The following ASH1L variants were observed in gnomAD, a reference collection of about 807,000 sequenced individuals.
ASH1L encodes the protein ASH1 like histone lysine methyltransferase, also known as histone-lysine N-methyltransferase ASH1L.
Under a neutral mutation model 269.0 loss-of-function variants are expected in ASH1L, and 23 were observed. The ratio of observed to expected loss-of-function variants is 0.09; its 90% CI spans 0.06 to 0.12. The LOEUF is 0.12. Among genes scored for constraint, ASH1L ranks in the 10% least tolerant of loss-of-function variants. The pLI, the probability that ASH1L is intolerant of heterozygous loss-of-function variation, is 1.00. For synonymous variants in ASH1L, 1,187 were observed against 1,253.5 expected, an observed-to-expected ratio of 0.95 and a Z score of 1.12; for missense variants, 2,912 against 3,567.8, an observed-to-expected ratio of 0.82 and a Z score of 4.68.
chr1:155,462,972 A>C (rs981923715), intron 3 of ASH1L, among the ~76,000 whole-genome samples: 1 of 152,198 alleles, frequency 6.6e-6, no homozygotes. Context: ...CAAGTTTAAG[A>C]CTGGAAAGTG....
Position 155,370,259 on chromosome 1 carries a change from G to A in ASH1L, c.6686+245C>T, listed in dbSNP as rs962930093. ...ACATAGATCCTGAAACTACTTGCAT[G>A]CCAAACAAAAAAACCAAAAAAGCAA... On this transcript the variant is annotated intron_variant, in intron 12 of 27. Coordinates refer to ENST00000392403, the MANE Select transcript of ASH1L (RefSeq NM_018489.3). 31 of 514,094 alleles carry A rather than the reference G, an allele frequency of 6.0e-5. 1 individual carries two copies. Among genetic ancestry groups the A allele is most frequent in the Middle Eastern group, 1.0e-3 (2 of 1,930 alleles). 31.8% of individuals were successfully genotyped at this position (514,094 alleles called of 1,614,324 possible).
chr1:155,407,345 T>C (rs529656981), intron 6 of ASH1L, among the ~76,000 whole-genome samples: 1 of 152,188 alleles, frequency 6.6e-6, no homozygotes, highest in African/African-American at 2.4e-5. Context: ...TACAAAAGGA[T>C]ACAATTCCCA....
chr1:155,514,897 C>T (rs1668395983), intron 2 of ASH1L, among the ~76,000 whole-genome samples: 1 of 152,006 alleles, frequency 6.6e-6, no homozygotes, highest in Non-Finnish European at 1.5e-5. Context: ...TTTTACACAC[C>T]AACAAGGAAA....
At chr1:155,447,701 T>A (rs940275668) in intron 4 of ASH1L, among the ~76,000 whole-genome samples, 21 of 152,376 alleles carry the variant, frequency 1.4e-4, no homozygotes, top group African/African-American at 4.8e-4. Flanking sequence ...GTCCATTTTT[T>A]AAACAGATTA....
At chr1:155,518,851 A>C (rs1571045392) in intron 2 of ASH1L, among the ~76,000 whole-genome samples, 1 of 130,086 alleles carries the variant, frequency 7.7e-6, no homozygotes, top group African/African-American at 2.8e-5. Context: ...GGAGGGAGGG[A>C]GGGAGGGAAG....
intron 2 of ASH1L, among the ~76,000 whole-genome samples, chr1:155,512,623 T>C (rs761220413): frequency 3.9e-4 from 59 of 151,512 alleles, no homozygotes; most frequent in Non-Finnish European, 8.2e-4. Context: ...AGCTAATTTT[T>C]GTATTTTTAG....
intron 8 of ASH1L, 48 bp from the exon 9 acceptor site, chr1:155,378,596 C>G (rs757221591): frequency 1.4e-6 from 2 of 1,450,480 alleles, no homozygotes; most frequent in Non-Finnish European, 1.9e-6. Context: ...ACTTCAAATG[C>G]CAGACGGCAG....
chr1:155,439,945 A>T (rs1253626049), intron 4 of ASH1L, among the ~76,000 whole-genome samples: 3 of 151,484 alleles, frequency 2.0e-5, no homozygotes, highest in Non-Finnish European at 2.9e-5. Context: ...AGCCTTGTCT[A>T]AATTTTTAAG....
At chr1:155,339,816 T>C (rs1386252032) in intron 25 of ASH1L, among the ~76,000 whole-genome samples, 1 of 152,206 alleles carries the variant, frequency 6.6e-6, no homozygotes, top group Non-Finnish European at 1.5e-5. Flanking sequence ...TACTGAATAC[T>C]GTAGGCAGTT....
At chr1:155,405,988 G>A (rs1432062911) in intron 6 of ASH1L, among the ~76,000 whole-genome samples, 1 of 151,944 alleles carries the variant, frequency 6.6e-6, no homozygotes, top group South Asian at 2.1e-4. Flanking sequence ...TGGATCACTT[G>A]AGGTCCGGAG....
Position 155,480,956 on chromosome 1 carries a change from A to C in ASH1L, c.1914T>G (p.Thr638=). The change falls in exon 3 of 28, where the codon ACT becomes ACG. Residue 638 remains threonine (T), a synonymous_variant. Coordinates refer to ENST00000392403, the MANE Select transcript of ASH1L (RefSeq NM_018489.3). Reference sequence around the variant, plus strand: ...TTATTCTTGGAATATCTATATGGGTAGTTTTTGAATCATTTACCTCTTTAT... The same window carrying C: ...TTATTCTTGGAATATCTATATGGGTCGTTTTTGAATCATTTACCTCTTTAT... ...GIDKEVNDSK[T]THIDIPRISS... is the part of the protein sequence containing the mutation. 1 of 1,614,046 alleles carries C rather than the reference A, an allele frequency of 6.2e-7. No individual in the cohort carries two copies. Among genetic ancestry groups the C allele is most frequent in the Non-Finnish European group, 8.5e-7 (1 of 1,179,952 alleles).
chr1:155,536,565 A>C (rs1205146726), intron 1 of ASH1L, among the ~76,000 whole-genome samples: 1 of 152,262 alleles, frequency 6.6e-6, no homozygotes, highest in African/African-American at 2.4e-5. Context: ...CAGCTCCCAT[A>C]TATGAATACG....
At chr1:155,363,406 G>A (rs560124136) in intron 12 of ASH1L, among the ~76,000 whole-genome samples, 9 of 151,856 alleles carry the variant, frequency 5.9e-5, no homozygotes, top group African/African-American at 1.7e-4. Flanking sequence ...ACCACGACTA[G>A]CTAATTTTTG....
At chr1:155,494,153 C>T (rs1666994720) in intron 2 of ASH1L, among the ~76,000 whole-genome samples, 1 of 152,112 alleles carries the variant, frequency 6.6e-6, no homozygotes, top group African/African-American at 2.4e-5. Context: ...TGATTGAAAA[C>T]TCAATTGTGC....
At chr1:155,344,027 T>C (rs1212129107) in intron 22 of ASH1L, among the ~76,000 whole-genome samples, 156 bp downstream of exon 22, 1 of 152,150 alleles carries the variant, frequency 6.6e-6, no homozygotes, top group African/African-American at 2.4e-5. Flanking sequence ...GGTGGAGAGG[T>C]GATGCATGTA....
chr1:155,465,726 A>G (rs1664634691), intron 3 of ASH1L, among the ~76,000 whole-genome samples: 1 of 152,224 alleles, frequency 6.6e-6, no homozygotes, highest in African/African-American at 2.4e-5. Flanking sequence ...AATGTGTGTT[A>G]AACAACGACT....
chr1:155,360,284 G>C lies in ASH1L; in HGVS notation c.6795+17C>G. 6.6e-7 allele frequency: 1 copy of C among 1,511,120 alleles called. No individual in the cohort carries two copies. The highest frequency in any genetic ancestry group is 9.2e-7 in the Non-Finnish European group (1 of 1,086,680). 93.6% of individuals were successfully genotyped at this position (1,511,120 alleles called of 1,614,324 possible). ...AGGGATAAAGTTCAATCTCCCTCTAGGATTTATTATTCTTACCTGTTTTTC... is the reference window on the plus strand; with the variant it reads ...AGGGATAAAGTTCAATCTCCCTCTACGATTTATTATTCTTACCTGTTTTTC... On this transcript the variant is annotated intron_variant, in intron 13 of 27. Transcript: ENST00000392403.
intron 1 of ASH1L, among the ~76,000 whole-genome samples, chr1:155,528,741 C>T (rs569695080): frequency 6.6e-6 from 1 of 152,174 alleles, no homozygotes; most frequent in South Asian, 2.1e-4. Flanking sequence ...TTCAGGGGTA[C>T]ATGTGCAGGT....
chr1:155,431,190 G>A (rs184061023), intron 5 of ASH1L, among the ~76,000 whole-genome samples: 2 of 151,806 alleles, frequency 1.3e-5, no homozygotes, highest in African/African-American at 2.4e-5. Flanking sequence ...GGGCAACAGA[G>A]CAAGATGCCG....
Sources: gnomAD v4.1 joint callset for allele counts (sites outside exome capture counted in the v4.1 genomes callset) on GRCh38, gnomAD v4.1.1 for gene constraint, MANE v1.5 for transcripts, NCBI Gene and HGNC (gene_info 2026-07-23, HGNC 2026-07-21) for gene names.